CDH7: variants seen among roughly 807,000 people sequenced by gnomAD.
The protein encoded by CDH7 is cadherin 7.
Under a neutral mutation model 71.8 loss-of-function variants are expected in CDH7, and 25 were observed. The observed-to-expected ratio is 0.35, with a 90% CI of 0.25 to 0.49. CDH7 has a LOEUF of 0.49. Ranked by LOEUF, CDH7 falls within the 20% of genes least tolerant of loss-of-function variation. The pLI is 0.99. For missense variants in CDH7, 862 were observed against 974.6 expected (o/e 0.88, Z 1.54); for synonymous variants, 381 against 363.8 (o/e 1.05, Z -0.54).
chr18:65,785,037 G>C (rs1008673666), intron 2 of CDH7, among the ~76,000 whole-genome samples: 10 of 152,236 alleles, frequency 6.6e-5, no homozygotes, highest in Admixed American at 3.3e-4. Flanking sequence ...GGCAACTGCA[G>C]TTCAATTAAT....
At chr18:65,805,450 A>G (rs1320550712) in intron 2 of CDH7, among the ~76,000 whole-genome samples, 2 of 152,122 alleles carry the variant, frequency 1.3e-5, no homozygotes, top group African/African-American at 4.8e-5. Flanking sequence ...CATGCCTAGA[A>G]TTTTCGGTTA....
rs991423768 is a variant in CDH7 at position 65,841,473 on chromosome 18, A to G, written c.982-2339A>G. On this transcript the variant is annotated intron_variant, in intron 6 of 11. Transcript: ENST00000397968. ...GAGCTGACAAATCGGATTTCTAAGT[A>G]TATTCTTTTACATATAGACACATCA... 3.9e-5 allele frequency among the ~76,000 whole-genome samples: 6 copies of G among 152,294 alleles called. No homozygotes were observed. In the East Asian group the frequency reaches 9.6e-4, roughly 24 times the overall value.
At chr18:65,872,065 A>G (rs532159226) in intron 11 of CDH7, among the ~76,000 whole-genome samples, 22 of 152,302 alleles carry the variant, frequency 1.4e-4, no homozygotes, top group Middle Eastern at 6.8e-3. Context: ...ACAAAAAAAC[A>G]TGGTTTGAAA....
chr18:65,816,250 G>A (rs954988948), intron 4 of CDH7, among the ~76,000 whole-genome samples: 4 of 151,906 alleles, frequency 2.6e-5, no homozygotes, highest in African/African-American at 9.7e-5. Context: ...ACATGGTCAT[G>A]AATGCAGAGA....
intron 6 of CDH7, among the ~76,000 whole-genome samples, chr18:65,829,991 C>A (rs1357065155): frequency 6.6e-6 from 1 of 152,096 alleles, no homozygotes; most frequent in Non-Finnish European, 1.5e-5. Flanking sequence ...GTCAGTCCTA[C>A]CAGGGCTTTC....
intron 11 of CDH7, among the ~76,000 whole-genome samples, chr18:65,875,409 G>A (rs1872330): frequency 0.54 from 82,005 of 151,990 alleles, 25,837 homozygotes; most frequent in East Asian, 0.92. Flanking sequence ...TCATTTTCCA[G>A]TTTACTGTGC....
Position 65,862,783 on chromosome 18 carries a change from C to G in CDH7, c.1730C>G (p.Thr577Ser). Residue 577 changes from threonine to serine, a missense_variant, in exon 11 of 12, where the codon ACC becomes AGC. Thr to Ser is a moderately conservative substitution (Grantham distance 58, BLOSUM62 1). Transcript: ENST00000397968. ...TCTCCCTCACTTAGCAGCACCAACA[C>G]CCTCACCATCCGCGTGTGTGACTGT... ...SGSPSLSSTN[T>S]LTIRVCDCDA... 1 of 1,614,114 alleles carries G rather than the reference C, an allele frequency of 6.2e-7. No homozygotes were observed. The highest frequency in any genetic ancestry group is 1.1e-5 in the South Asian group (1 of 91,072).
intron 2 of CDH7, among the ~76,000 whole-genome samples, chr18:65,766,423 A>C (rs1598988403): frequency 6.6e-6 from 1 of 152,146 alleles, no homozygotes; most frequent in Non-Finnish European, 1.5e-5. Context: ...ACCAAAGACC[A>C]AAGTAGAACA....
chr18:65,824,798 A>C lies in CDH7; in HGVS notation c.948A>C (p.Lys316Asn). Reference sequence around the variant, plus strand: ...GCATTTTTAAGATTTCTGTTGACAAAGAAACCCAGGAAGGAATCATTACTA... The same window carrying C: ...GCATTTTTAAGATTTCTGTTGACAACGAAACCCAGGAAGGAATCATTACTA... The part of the protein sequence containing the change: ...GLGIFKISVD[K>N]ETQEGIITIQ... Residue 316 changes from lysine (K) to asparagine (N), a missense_variant, in exon 6 of 12, where the codon AAA becomes AAC. Coordinates refer to ENST00000397968, the MANE Select transcript of CDH7 (RefSeq NM_004361.5). The C allele has an allele frequency of 6.2e-7, 1 of 1,611,982 alleles. No homozygotes were observed. The highest frequency in any genetic ancestry group is 8.5e-7 in the Non-Finnish European group (1 of 1,178,450).
At chr18:65,833,184 T>C (rs932808091) in intron 6 of CDH7, among the ~76,000 whole-genome samples, 1 of 152,188 alleles carries the variant, frequency 6.6e-6, no homozygotes, top group Non-Finnish European at 1.5e-5. Flanking sequence ...CTGCCCTAAG[T>C]TAGATAGCAC....
At chr18:65,870,885 T>C (rs557192382) in intron 11 of CDH7, among the ~76,000 whole-genome samples, 3 of 152,342 alleles carry the variant, frequency 2.0e-5, no homozygotes, top group African/African-American at 7.2e-5. Context: ...AACCAGTATA[T>C]TATTGGGGCC....
intron 8 of CDH7, among the ~76,000 whole-genome samples, chr18:65,858,578 C>G (rs1913447433): frequency 1.3e-5 from 2 of 151,806 alleles, no homozygotes; most frequent in Admixed American, 6.6e-5. Context: ...TAAAAAACTA[C>G]AAGTACACAT....
chr18:65,833,199 G>A (rs1912414504), intron 6 of CDH7, among the ~76,000 whole-genome samples: 2 of 152,162 alleles, frequency 1.3e-5, no homozygotes, highest in South Asian at 2.1e-4. Context: ...TAGCACAGTG[G>A]CCTTCCAGCC....
At chr18:65,752,153 C>T (rs182969721) in intron 1 of CDH7, among the ~76,000 whole-genome samples, 38 of 152,246 alleles carry the variant, frequency 2.5e-4, no homozygotes, top group African/African-American at 8.4e-4. Flanking sequence ...AAGACTTGTC[C>T]TCATAATTTC....
intron 2 of CDH7, among the ~76,000 whole-genome samples, chr18:65,778,300 A>C (rs903104020): frequency 1.4e-4 from 19 of 140,432 alleles, no homozygotes; most frequent in African/African-American, 2.8e-4. Context: ...AAAAAAAAAA[A>C]ACCTAGTGCC....
rs1364040784 is a variant in CDH7, at chr18:65,885,735, A to G, written c.*4841A>G. The G allele has an allele frequency of 6.6e-6, 1 of 152,104 alleles. No homozygotes were observed. The highest frequency in any genetic ancestry group is 6.5e-5 in the Admixed American group (1 of 15,270). The allele number at this position is 152,104 out of a possible 1,614,324, so 9.4% of individuals were successfully genotyped here. On this transcript the variant is annotated 3_prime_UTR_variant, in exon 12 of 12. Transcript: ENST00000397968. Reference sequence around the variant, plus strand: ...GTATCTGAAGTAATGTAAAAATAAGAGTCTCATAATTCCTGGTTAATGCTG... The same window carrying G: ...GTATCTGAAGTAATGTAAAAATAAGGGTCTCATAATTCCTGGTTAATGCTG...
intron 11 of CDH7, among the ~76,000 whole-genome samples, chr18:65,875,660 G>A (rs928320909): frequency 2.0e-5 from 3 of 152,182 alleles, no homozygotes; most frequent in Admixed American, 1.3e-4. Context: ...ACCAAGGCAG[G>A]AGGATCACTT....
chr18:65,860,204 A>G (rs1913514117), intron 10 of CDH7, among the ~76,000 whole-genome samples: 1 of 152,168 alleles, frequency 6.6e-6, no homozygotes, highest in African/African-American at 2.4e-5. Flanking sequence ...ACTGGACATT[A>G]CACATTTTAA....
rs1914261299 is a variant in CDH7 at position 65,882,572 on chromosome 18, A to G, written c.*1678A>G. The G allele has an allele frequency of 6.6e-6, 1 of 152,124 alleles. No individual in the cohort carries two copies. Among genetic ancestry groups the G allele is most frequent in the South Asian group, 2.1e-4 (1 of 4,834 alleles). The allele number at this position is 152,124 out of a possible 1,614,324, so 9.4% of individuals were successfully genotyped here. ...ACTTGCAGCCCAACTTTAGAAATGA[A>G]GTATGTAAAAGTGGCCTTCAACTTC... On this transcript the variant is annotated 3_prime_UTR_variant, in exon 12 of 12. Transcript: ENST00000397968.
Sources: gnomAD v4.1 joint callset for allele counts (sites outside exome capture counted in the v4.1 genomes callset) on GRCh38, gnomAD v4.1.1 for gene constraint, MANE v1.5 for transcripts, NCBI Gene and HGNC (gene_info 2026-07-23, HGNC 2026-07-21) for gene names.